CTNND2: variants seen among roughly 807,000 people sequenced by gnomAD.
CTNND2 encodes the protein catenin delta-2.
In CTNND2, 22 loss-of-function variants were observed where a neutral mutation model predicts 144.4. That is an observed-to-expected ratio of 0.15 (90% CI 0.11 to 0.22). The LOEUF is 0.22. CTNND2 is among the 10% of genes least tolerant of loss of function. CTNND2 has a pLI of 1.00. For synonymous variants in CTNND2, 751 were observed against 695.6 expected, an observed-to-expected ratio of 1.08 and a Z score of -1.25; for missense variants, 1,353 against 1,618.8, an observed-to-expected ratio of 0.84 and a Z score of 2.82.
chr5:11,720,791 T>G (rs1173028321), intron 2 of CTNND2, among the ~76,000 whole-genome samples: 1 of 152,190 alleles, frequency 6.6e-6, no homozygotes, highest in Non-Finnish European at 1.5e-5. Flanking sequence ...AGCAGTTCAT[T>G]TCAGTGTTAC....
intron 2 of CTNND2, among the ~76,000 whole-genome samples, chr5:11,655,339 T>C (rs1053743597): frequency 1.3e-5 from 2 of 151,984 alleles, no homozygotes; most frequent in African/African-American, 4.8e-5. Flanking sequence ...AGTCAGTTAC[T>C]ATTATTTCCT....
chr5:11,649,175 T>C (rs908079666), intron 2 of CTNND2, among the ~76,000 whole-genome samples: 1 of 152,248 alleles, frequency 6.6e-6, no homozygotes, highest in African/African-American at 2.4e-5. Flanking sequence ...ATATGAGATA[T>C]GCTTTATTAT....
intron 3 of CTNND2, among the ~76,000 whole-genome samples, chr5:11,516,110 A>G (rs1263080662): frequency 6.6e-6 from 1 of 152,164 alleles, no homozygotes; most frequent in Non-Finnish European, 1.5e-5. Flanking sequence ...TGTCTCAAAA[A>G]AAAATTTACT....
chr5:11,205,313 C>G lies in CTNND2; in HGVS notation c.1762-5652G>C, dbSNP rs1001753328. Among the ~76,000 whole-genome samples, 13 of 152,180 alleles carry G rather than the reference C, an allele frequency of 8.5e-5. 1 individual carries two copies. The highest frequency in any genetic ancestry group is 3.9e-4 in the Admixed American group (6 of 15,292). ...CTTATGAAAACTCAAGTCCCAATGT[C>G]TGAGAACTGGTTTATAGAAAGAGCT... On this transcript the variant is annotated intron_variant, in intron 10 of 21. Transcript: ENST00000304623.
At chr5:11,860,872 T>C (rs929739740) in intron 1 of CTNND2, among the ~76,000 whole-genome samples, 4 of 151,150 alleles carry the variant, frequency 2.6e-5, no homozygotes, top group Non-Finnish European at 4.4e-5. Flanking sequence ...TCTGCCTAAA[T>C]TGCCATCTAC....
intron 7 of CTNND2, among the ~76,000 whole-genome samples, chr5:11,375,426 C>A (rs1055111789): frequency 6.6e-6 from 1 of 152,064 alleles, no homozygotes; most frequent in Non-Finnish European, 1.5e-5. Flanking sequence ...TAATATTCAG[C>A]ATATATAAAA....
intron 15 of CTNND2, among the ~76,000 whole-genome samples, chr5:11,083,638 T>C (rs1313758625): frequency 6.6e-6 from 1 of 152,246 alleles, no homozygotes; most frequent in Non-Finnish European, 1.5e-5. Flanking sequence ...GACATTTGTA[T>C]GTATGATGTA....
intron 11 of CTNND2, 72 bp from the exon 12 acceptor site, chr5:11,159,831 T>C: frequency 2.3e-6 from 3 of 1,278,508 alleles, no homozygotes; most frequent in Non-Finnish European, 3.2e-6. Flanking sequence ...GTCTTCCTTA[T>C]TTGAGTTAAC....
chr5:11,697,345 C>T (rs1214181985), intron 2 of CTNND2, among the ~76,000 whole-genome samples: 1 of 152,154 alleles, frequency 6.6e-6, no homozygotes, highest in Non-Finnish European at 1.5e-5. Flanking sequence ...AAAACACTTA[C>T]TGAGTTTCTT....
chr5:11,663,303 T>TC (rs1266525627), intron 2 of CTNND2, among the ~76,000 whole-genome samples: 1 of 152,182 alleles, frequency 6.6e-6, no homozygotes, highest in Non-Finnish European at 1.5e-5. Context: ...AATCAAATTT[T>TC]CCCATTAAAG....
At chr5:11,551,164 G>T (rs1775725098) in intron 3 of CTNND2, among the ~76,000 whole-genome samples, 1 of 152,226 alleles carries the variant, frequency 6.6e-6, no homozygotes. Flanking sequence ...CTCAAAGAAT[G>T]GGTATGCTCA....
At chr5:11,037,920 T>C (rs953258487) in intron 16 of CTNND2, among the ~76,000 whole-genome samples, 2 of 152,286 alleles carry the variant, frequency 1.3e-5, no homozygotes, top group East Asian at 3.9e-4. Flanking sequence ...AATAGTTACA[T>C]TATTATTTAA....
intron 1 of CTNND2, among the ~76,000 whole-genome samples, chr5:11,739,583 T>A (rs765173977): frequency 1.5e-4 from 23 of 152,102 alleles, no homozygotes; most frequent in Non-Finnish European, 2.9e-4. Flanking sequence ...AACCCACAGC[T>A]AATATCACAC....
intron 1 of CTNND2, among the ~76,000 whole-genome samples, chr5:11,803,866 T>C (rs1791837216): frequency 6.6e-6 from 1 of 152,190 alleles, no homozygotes; most frequent in Admixed American, 6.5e-5. Flanking sequence ...TCTTTTTTTT[T>C]TCCACTCATT....
chr5:11,668,905 C>T (rs1783719390), intron 2 of CTNND2, among the ~76,000 whole-genome samples: 1 of 152,106 alleles, frequency 6.6e-6, no homozygotes, highest in Admixed American at 6.5e-5. Context: ...GTCGGATTAC[C>T]ATAAATAGCT....
intron 3 of CTNND2, among the ~76,000 whole-genome samples, chr5:11,530,801 T>C (rs1773683896): frequency 6.6e-6 from 1 of 152,212 alleles, no homozygotes. Context: ...ATGGTGTGGA[T>C]TTTGGTACCA....
intron 3 of CTNND2, among the ~76,000 whole-genome samples, chr5:11,473,801 C>T (rs1042957236): frequency 3.3e-5 from 5 of 152,184 alleles, no homozygotes; most frequent in African/African-American, 1.2e-4. Context: ...ACCAGAGCAT[C>T]CAAGAAGAGC....
At chr5:11,209,702 C>A (rs1372748733) in intron 10 of CTNND2, among the ~76,000 whole-genome samples, 1 of 152,178 alleles carries the variant, frequency 6.6e-6, no homozygotes, top group Non-Finnish European at 1.5e-5. Flanking sequence ...GTGGGCAGAT[C>A]ACGAGGTCAG....
intron 3 of CTNND2, among the ~76,000 whole-genome samples, chr5:11,513,038 T>A (rs1001342427): frequency 2.6e-5 from 4 of 152,156 alleles, no homozygotes; most frequent in Non-Finnish European, 5.9e-5. Context: ...TCACTTCAAA[T>A]CACAGCTGAC....
Sources: gnomAD v4.1 joint callset for allele counts (sites outside exome capture counted in the v4.1 genomes callset) on GRCh38, gnomAD v4.1.1 for gene constraint, MANE v1.5 for transcripts, NCBI Gene and HGNC (gene_info 2026-07-23, HGNC 2026-07-21) for gene names.